Variants in RELT observed in about 807,000 individuals in gnomAD.
RELT encodes the protein tumor necrosis factor receptor superfamily member 19L.
In RELT, 37 loss-of-function variants were observed where a neutral mutation model predicts 51.1. The observed-to-expected ratio is 0.72, with a 90% CI of 0.56 to 0.95. RELT has a LOEUF of 0.95. Among genes scored for constraint, RELT ranks in the 40% least tolerant of loss-of-function variants. The pLI is 0.00. For missense variants in RELT, 535 were observed against 572.6 expected, an observed-to-expected ratio of 0.93 and a Z score of 0.67; for synonymous variants, 241 against 235.7, an observed-to-expected ratio of 1.02 and a Z score of -0.21.
rs1866305638 is a variant in RELT at position 73,395,551 on chromosome 11, GA to G, written c.*61del. On this transcript the variant is annotated 3_prime_UTR_variant, in exon 11 of 11. Coordinates refer to ENST00000064780, the MANE Select transcript of RELT (RefSeq NM_152222.2). ...CCTGGGAGGTTCCGAAGGCTTCCTGGAGGAGGTGGAGCTGCAGCTGGGACTG... is the reference window on the plus strand; with the variant it reads ...CCTGGGAGGTTCCGAAGGCTTCCTGGGGAGGTGGAGCTGCAGCTGGGACTG... The G allele has an allele frequency of 1.3e-6, 1 of 779,918 alleles. No homozygotes were observed. Among genetic ancestry groups the G allele is most frequent in the African/African-American group, 1.7e-5 (1 of 59,134 alleles). The allele number at this position is 779,918 out of a possible 1,614,324, so 48.3% of individuals were successfully genotyped here. A position where few individuals can be genotyped will look rare whatever the true frequency, so the allele number is the denominator to read the frequency against.
At chr11:73,389,088 G>C (rs1400371369) in intron 1 of RELT, 24 bp from the exon 2 acceptor site, 10 of 1,327,558 alleles carry the variant, frequency 7.5e-6, no homozygotes, top group Non-Finnish European at 1.1e-5. Flanking sequence ...CCGCTCTGCC[G>C]AGCCTCCTCT....
intron 6 of RELT, 178 bp from the exon 7 acceptor site, chr11:73,393,659 T>C (rs1866255333): frequency 6.4e-7 from 1 of 1,568,056 alleles, no homozygotes; most frequent in Admixed American, 1.8e-5. Context: ...ATGAAGGTGA[T>C]ATGGGCTTCT....
intron 1 of RELT, among the ~76,000 whole-genome samples, chr11:73,386,458 C>T (rs1866125300): frequency 6.6e-6 from 1 of 152,110 alleles, no homozygotes; most frequent in African/African-American, 2.4e-5. Flanking sequence ...GTGAGGGGTG[C>T]TGAGCAGCAG....
Position 73,388,675 on chromosome 11 carries a change from A to C in RELT, c.-25-437A>C, listed in dbSNP as rs1015212387. Among the ~76,000 whole-genome samples the C allele has an allele frequency of 1.3e-5, 2 of 152,178 alleles. No homozygotes were observed. Among genetic ancestry groups the C allele is most frequent in the African/African-American group, 2.4e-5 (1 of 41,442 alleles). ...GCATGCTTGCAGACCTGTGAGGAGG[A>C]GGCGGGGGGAGCCTGAGCCTGGAGC... On this transcript the variant is annotated intron_variant, in intron 1 of 10. Transcript: ENST00000064780. This position sits in a 1 kb window ranked among gnomAD's most constrained non-coding sequence, Gnocchi z 4.1.
rs563069107 is a variant in RELT at position 73,385,404 on chromosome 11, G to T, written c.-25-3708G>T. On this transcript the variant is annotated intron_variant, in intron 1 of 10. Coordinates refer to ENST00000064780, the MANE Select transcript of RELT (RefSeq NM_152222.2). ...GTGGTCTGGGGCCCTCAGCTTGGGG[G>T]TCTGGCCGTGGCCTTTGCTAGTTGG... Among the ~76,000 whole-genome samples, 24 of 152,302 alleles carry T rather than the reference G, an allele frequency of 1.6e-4. No individual in the cohort carries two copies. The South Asian group carries it at 4.8e-3, about 30-fold the overall frequency.
chr11:73,391,247 A>T, intron 5 of RELT, 24 bp downstream of exon 5: 1 of 1,606,932 alleles, frequency 6.2e-7, no homozygotes, highest in Non-Finnish European at 8.5e-7. Context: ...TGGGGCTAGG[A>T]CTGGTGCAGG....
At chr11:73,380,488 G>A (rs925733351) in intron 1 of RELT, among the ~76,000 whole-genome samples, 1 of 152,128 alleles carries the variant, frequency 6.6e-6, no homozygotes, top group African/African-American at 2.4e-5. Context: ...CACTCACCCG[G>A]GCCCTCTCCT....
At position 73,394,024 on chromosome 11, in the gene RELT, C is replaced by A; in HGVS notation, c.706+107C>A. 1.7e-6 allele frequency: 2 copies of A among 1,197,980 alleles called. No homozygotes were observed. Among genetic ancestry groups the A allele is most frequent in the South Asian group, 1.2e-5 (1 of 80,828 alleles). The allele number at this position is 1,197,980 out of a possible 1,614,324, so 74.2% of individuals were successfully genotyped here. Reference sequence around the variant, plus strand: ...AGAGTCTTGCCCTGCTCTGCCTTCCCTGCCAGGGTGCCTCAAGCAGCCTGG... The same window carrying A: ...AGAGTCTTGCCCTGCTCTGCCTTCCATGCCAGGGTGCCTCAAGCAGCCTGG... On this transcript the variant is annotated intron_variant, in intron 7 of 10. Transcript: ENST00000064780. This position sits in a 1 kb window ranked among gnomAD's most constrained non-coding sequence, Gnocchi z 4.9.
rs1307249353 is a variant in RELT, at chr11:73,390,773, T to C, written c.139T>C (p.Leu47=). 1 of 1,608,650 alleles carries C rather than the reference T, an allele frequency of 6.2e-7. No individual in the cohort carries two copies. The highest frequency in any genetic ancestry group is 2.2e-5 in the East Asian group (1 of 44,720). Residue 47 remains leucine, a synonymous_variant, in exon 4 of 11, where the codon TTA becomes CTA. Transcript: ENST00000064780. ...CCCACAGGACCCAGGGCAGGGCACA[T>C]TATGCAGGCCCTGCCCCCCAGGCAC... is the stretch of plus-strand genomic sequence containing the variant. The part of the protein sequence containing the change: ...EPDLDPGQGT[L]CRPCPPGTFS...
chr11:73,390,065 G>A (rs957251287), intron 2 of RELT, among the ~76,000 whole-genome samples: 11 of 152,124 alleles, frequency 7.2e-5, no homozygotes, highest in Non-Finnish European at 1.6e-4. Flanking sequence ...GGAGGATGTG[G>A]TCCTGGAGAC....
chr11:73,395,209 C>T lies in RELT; in HGVS notation c.1169C>T (p.Pro390Leu). Residue 390 changes from proline to leucine, a missense_variant, in exon 10 of 11, where the codon CCT becomes CTT. Transcript: ENST00000064780. ...GACTCCCCACAGCCTGGCCTCCCCC[C>T]TGAGCAGCAGGCCCTGCTAGGAAGT... ...LPDSPQPGLP[P>L]EQQALLGSGG... 6.2e-7 allele frequency: 1 copy of T among 1,613,224 alleles called. No homozygotes were observed. The highest frequency in any genetic ancestry group is 1.1e-5 in the South Asian group (1 of 91,090).
Position 73,390,809 on chromosome 11 carries a change from G to T in RELT, c.175G>T (p.Ala59Ser). Residue 59 changes from alanine (A) to serine (S), a missense_variant, in exon 4 of 11, where the codon GCA becomes TCA. By Grantham distance (99) the Ala-to-Ser change is moderately conservative. Transcript: ENST00000064780. Reference protein sequence around the residue: ...RPCPPGTFSAAWGSSPCQPHA... With the variant: ...RPCPPGTFSASWGSSPCQPHA... ...CTGCCCCCCAGGCACCTTCTCAGCT[G>T]CATGGGGCTCCAGCCCATGCCAGCC... is the stretch of plus-strand genomic sequence containing the variant. 1 of 1,612,114 alleles carries T rather than the reference G, an allele frequency of 6.2e-7. No homozygotes were observed. Among genetic ancestry groups the T allele is most frequent in the Non-Finnish European group, 8.5e-7 (1 of 1,179,530 alleles).
rs777097580 is a variant in RELT at position 73,395,103 on chromosome 11, A to T, written c.1063A>T (p.Ile355Phe). ...LSVGRFRVAR[I>F]PEQRTSSMVS... The stretch of plus-strand genomic sequence containing the variant: ...TCCTCACAGGTTCCGCGTGGCTCGA[A>T]TTCCTGAGCAGCGGACAAGTTCAAT... The change falls in exon 10 of 11, where the codon ATT becomes TTT. Residue 355 changes from isoleucine (I) to phenylalanine (F), a missense_variant. By Grantham distance (21) the Ile-to-Phe change is conservative. Transcript: ENST00000064780. 2.4e-5 allele frequency: 38 copies of T among 1,613,502 alleles called. No homozygotes were observed. The highest frequency in any genetic ancestry group is 3.3e-4 in the Middle Eastern group (2 of 6,062).
In RELT at chr11:73,388,055, C is replaced by T. The variant is rs923352133; in HGVS notation, c.-25-1057C>T. On this transcript the variant is annotated intron_variant, in intron 1 of 10. Coordinates refer to ENST00000064780, the MANE Select transcript of RELT (RefSeq NM_152222.2). The surrounding 1 kb of genome is among the most constrained non-coding windows in gnomAD (Gnocchi z 4.1). ...ATGTGAATCCTTTGTCCTGCTGTGTCCGCCTCGTCCACTGGCCGGAGGCTT... is the reference window on the plus strand; with the variant it reads ...ATGTGAATCCTTTGTCCTGCTGTGTTCGCCTCGTCCACTGGCCGGAGGCTT... Among the ~76,000 whole-genome samples, 2 of 152,240 alleles carry T rather than the reference C, an allele frequency of 1.3e-5. No homozygotes were observed. Among genetic ancestry groups the T allele is most frequent in the African/African-American group, 2.4e-5 (1 of 41,468 alleles).
chr11:73,385,532 C>T (rs914587635), intron 1 of RELT, among the ~76,000 whole-genome samples: 1 of 152,270 alleles, frequency 6.6e-6, no homozygotes, highest in Non-Finnish European at 1.5e-5. Context: ...GGAGGCCTCC[C>T]GCTTCAGACA....
intron 1 of RELT, chr11:73,384,514 T>TA (rs1223882313): frequency 6.6e-6 from 1 of 152,394 alleles, no homozygotes. Context: ...GCTGAGTACT[T>TA]AATGTGATTC....
rs1158980171 is a variant in RELT, at chr11:73,394,344, G to T, written c.788+27G>T. ...TGAGTGGGCTGGTGGGAGATAACGG[G>T]GCCAAAACCTACATTAACCAGCCTG... is the stretch of plus-strand genomic sequence containing the variant. On this transcript the variant is annotated intron_variant, in intron 8 of 10. Coordinates refer to ENST00000064780, the MANE Select transcript of RELT (RefSeq NM_152222.2). The surrounding 1 kb of genome is among the most constrained non-coding windows in gnomAD (Gnocchi z 4.9). 1 of 1,612,040 alleles carries T rather than the reference G, an allele frequency of 6.2e-7. No individual in the cohort carries two copies. The highest frequency in any genetic ancestry group is 1.3e-5 in the African/African-American group (1 of 74,834).
chr11:73,394,823 G>A lies in RELT; in HGVS notation c.1046+89G>A, dbSNP rs1866285228. The A allele has an allele frequency of 1.4e-6, 2 of 1,474,140 alleles. No homozygotes were observed. The highest frequency in any genetic ancestry group is 2.8e-5 in the African/African-American group (2 of 72,148). The allele number at this position is 1,474,140 out of a possible 1,614,324, so 91.3% of individuals were successfully genotyped here. ...GAGGCAGGGCCCCAGCTTGGGCCCT[G>A]AGCACCCTGCTCAATGGGAGCCCTG... On this transcript the variant is annotated intron_variant, in intron 9 of 10. Transcript: ENST00000064780. The surrounding 1 kb of genome is among the most constrained non-coding windows in gnomAD (Gnocchi z 4.9).
In RELT at chr11:73,394,683, C is replaced by T. The variant is rs12362779; in HGVS notation, c.995C>T (p.Ala332Val). Residue 332 changes from alanine to valine, a missense_variant, in exon 9 of 11, where the codon GCC (alanine) becomes GTC (valine). Ala to Val is a moderately conservative substitution (Grantham distance 64). Coordinates refer to ENST00000064780, the MANE Select transcript of RELT (RefSeq NM_152222.2). The surrounding 1 kb of genome is among the most constrained non-coding windows in gnomAD (Gnocchi z 4.9). The part of the protein sequence containing the change: ...LLPNPTRVPK[A>V]GAKAGRQGEI... ...CCTAACCCGACCAGGGTTCCCAAGG[C>T]CGGGGCCAAGGCAGGGCGTCAGGGC... is the stretch of plus-strand genomic sequence containing the variant. The T allele has an allele frequency of 1.7e-3, 2,685 of 1,613,434 alleles. 15 individuals are homozygous for T. In the Middle Eastern group the frequency reaches 0.021, roughly 13 times the overall value.
Sources: allele counts gnomAD v4.1 joint callset (sites outside exome capture counted in the v4.1 genomes callset), GRCh38; gene constraint gnomAD v4.1.1; non-coding constraint Gnocchi (gnomAD v3.1); transcripts MANE v1.5; gene names NCBI Gene and HGNC (gene_info 2026-07-23, HGNC 2026-07-21).